AKT3: variants seen among roughly 807,000 people sequenced by gnomAD.
AKT3 encodes AKT serine/threonine kinase 3, also known as RAC-gamma serine/threonine-protein kinase.
AKT3 carries 15 observed loss-of-function variants against 65.3 expected under a neutral mutation model. The ratio of observed to expected loss-of-function variants is 0.23; its 90% CI spans 0.15 to 0.35. AKT3 has a LOEUF of 0.35. Ranked by LOEUF, AKT3 falls within the 10% of genes least tolerant of loss-of-function variation. The pLI, the probability that AKT3 is intolerant of heterozygous loss-of-function variation, is 1.00. For missense variants in AKT3, 243 were observed against 576.5 expected (o/e 0.42, Z 5.92); for synonymous variants, 206 against 183.8 (o/e 1.12, Z -0.98).
intron 8 of AKT3, among the ~76,000 whole-genome samples, chr1:243,588,577 A>G (rs925286280): frequency 6.6e-6 from 1 of 152,228 alleles, no homozygotes; most frequent in Non-Finnish European, 1.5e-5. Context: ...AAAGCCAAAA[A>G]TAAATCCATG....
At chr1:243,546,684 A>C (rs994342207) in intron 11 of AKT3, 4 of 152,116 alleles carry the variant, frequency 2.6e-5, no homozygotes, top group African/African-American at 9.7e-5. Flanking sequence ...ACCTTGCCTG[A>C]CCTAGCCACC....
At chr1:243,586,114 A>C (rs1179769147) in intron 8 of AKT3, among the ~76,000 whole-genome samples, 1 of 152,220 alleles carries the variant, frequency 6.6e-6, no homozygotes, top group Non-Finnish European at 1.5e-5. Context: ...GCAGCCACCA[A>C]ATATGAAAAA....
intron 2 of AKT3, among the ~76,000 whole-genome samples, chr1:243,705,667 G>C (rs897826731): frequency 6.6e-6 from 1 of 152,100 alleles, no homozygotes; most frequent in African/African-American, 2.4e-5. Context: ...GCATCCACAC[G>C]GACTAGCCAA....
chr1:243,715,201 A>G (rs2034915), intron 2 of AKT3, among the ~76,000 whole-genome samples: 77,921 of 151,912 alleles, frequency 0.51, 23,793 homozygotes, highest in Non-Finnish European at 0.68. Context: ...GCATAATTAC[A>G]TTAAGAAGGA....
intron 2 of AKT3, among the ~76,000 whole-genome samples, chr1:243,821,460 A>G (rs1432526001): frequency 6.6e-6 from 1 of 152,146 alleles, no homozygotes; most frequent in African/African-American, 2.4e-5. Context: ...AAATGGGCCA[A>G]ATGTCCCAAT....
At chr1:243,533,314 T>A (rs1191417547) in intron 12 of AKT3, among the ~76,000 whole-genome samples, 1 of 152,214 alleles carries the variant, frequency 6.6e-6, no homozygotes, top group East Asian at 1.9e-4. Context: ...GCCATAATTA[T>A]AGTTGAAGGT....
chr1:243,844,525 C>A (rs1056106206), intron 1 of AKT3, among the ~76,000 whole-genome samples: 2 of 152,102 alleles, frequency 1.3e-5, no homozygotes, highest in Non-Finnish European at 2.9e-5. Flanking sequence ...ATCATCCAGG[C>A]TAGAGTAGAG....
In AKT3 at chr1:243,504,680, C is replaced by A. The variant is rs1669552925; in HGVS notation, c.*569G>T. On this transcript the variant is annotated 3_prime_UTR_variant, in exon 14 of 14. Transcript: ENST00000673466. Reference sequence around the variant, plus strand: ...TCCCAACAGTTGTTCAGTCCTTCTACCAAATGCTTCCTAATCAATTCCAGC... The same window carrying A: ...TCCCAACAGTTGTTCAGTCCTTCTAACAAATGCTTCCTAATCAATTCCAGC... 5.6e-6 allele frequency: 1 copy of A among 177,930 alleles called. No individual in the cohort carries two copies. Among genetic ancestry groups the A allele is most frequent in the African/African-American group, 2.4e-5 (1 of 42,132 alleles). 11.0% of individuals were successfully genotyped at this position (177,930 alleles called of 1,614,324 possible).
rs527566262 is a variant in AKT3 at position 243,502,103 on chromosome 1, TTTC to T, written c.*3143_*3145del. 246 of 232,312 alleles carry T rather than the reference TTTC, an allele frequency of 1.1e-3. No individual in the cohort carries two copies. The highest frequency in any genetic ancestry group is 4.7e-3 in the African/African-American group (213 of 45,410). The allele number at this position is 232,312 out of a possible 1,614,324, so 14.4% of individuals were successfully genotyped here. ...GTAATTCAATTACCAATTTAGAGGTTTTCTTTTTATTTAAATAAATACTTTACA... is the reference window on the plus strand; with the variant it reads ...GTAATTCAATTACCAATTTAGAGGTTTTTTTATTTAAATAAATACTTTACA... On this transcript the variant is annotated 3_prime_UTR_variant, in exon 14 of 14. Coordinates refer to ENST00000673466, the MANE Select transcript of AKT3 (RefSeq NM_005465.7).
intron 2 of AKT3, among the ~76,000 whole-genome samples, chr1:243,780,027 A>C (rs973376313): frequency 6.6e-6 from 1 of 152,158 alleles, no homozygotes. Flanking sequence ...TCAGAATTAG[A>C]AAACTACCAT....
At chr1:243,813,017 G>T (rs916596483) in intron 2 of AKT3, among the ~76,000 whole-genome samples, 1 of 138,596 alleles carries the variant, frequency 7.2e-6, no homozygotes, top group Non-Finnish European at 1.5e-5. Flanking sequence ...ATCACACACC[G>T]GGGCCTGTTG....
At chr1:243,829,827 G>A (rs141583626) in intron 2 of AKT3, among the ~76,000 whole-genome samples, 20 of 152,122 alleles carry the variant, frequency 1.3e-4, no homozygotes, top group Non-Finnish European at 2.2e-4. Flanking sequence ...CATAATAAAA[G>A]TTCCCTTAAA....
chr1:243,649,246 C>T (rs1162375147), intron 4 of AKT3, among the ~76,000 whole-genome samples: 1 of 151,612 alleles, frequency 6.6e-6, no homozygotes, highest in Non-Finnish European at 1.5e-5. Flanking sequence ...AGAACATACA[C>T]CATATAACTT....
At chr1:243,740,417 T>A (rs1437064026) in intron 2 of AKT3, among the ~76,000 whole-genome samples, 2 of 152,184 alleles carry the variant, frequency 1.3e-5, no homozygotes, top group Non-Finnish European at 2.9e-5. Flanking sequence ...AGTATTTTAA[T>A]CTGGTGAAAA....
At chr1:243,768,961 T>C (rs933883795) in intron 2 of AKT3, among the ~76,000 whole-genome samples, 3 of 152,084 alleles carry the variant, frequency 2.0e-5, no homozygotes, top group Non-Finnish European at 4.4e-5. Flanking sequence ...GAACTTTTCA[T>C]CGCCCCAAAT....
At chr1:243,774,191 A>T (rs1690392148) in intron 2 of AKT3, among the ~76,000 whole-genome samples, 1 of 152,120 alleles carries the variant, frequency 6.6e-6, no homozygotes, top group Non-Finnish European at 1.5e-5. Context: ...GTAAACCAGT[A>T]TATCAATTTA....
intron 1 of AKT3, among the ~76,000 whole-genome samples, chr1:243,847,249 A>AT (rs1247220790): frequency 2.0e-5 from 3 of 152,192 alleles, no homozygotes; most frequent in African/African-American, 7.2e-5. Context: ...CAGTTCTTGC[A>AT]TTTTGTTGCT....
chr1:243,663,296 A>G (rs2147915049), intron 4 of AKT3, among the ~76,000 whole-genome samples: 1 of 152,328 alleles, frequency 6.6e-6, no homozygotes, highest in South Asian at 2.1e-4. Context: ...TGTAGGAAAA[A>G]TAACATTTTA....
intron 13 of AKT3, among the ~76,000 whole-genome samples, chr1:243,494,108 AACAGCAAAT>A (rs1169439571): frequency 6.6e-6 from 1 of 152,224 alleles, no homozygotes; most frequent in African/African-American, 2.4e-5. Context: ...GCTTGAATAG[AACAGCAAAT>A]ACATTGAATA....
Sources: allele counts gnomAD v4.1 joint callset (sites outside exome capture counted in the v4.1 genomes callset), GRCh38; gene constraint gnomAD v4.1.1; transcripts MANE v1.5; gene names NCBI Gene and HGNC (gene_info 2026-07-23, HGNC 2026-07-21).